Variants in DERA observed in about 807,000 individuals in gnomAD.
DERA encodes the protein 2-deoxy-D-ribose 5-phosphate aldolase.
DERA carries 15 observed loss-of-function variants against 41.1 expected under a neutral mutation model. That is an observed-to-expected ratio of 0.37 (90% CI 0.24 to 0.56). The LOEUF (loss-of-function observed/expected upper bound fraction) is 0.56, where lower values mean the gene tolerates loss of function less well. DERA is among the 20% of genes least tolerant of loss of function. The probability of loss-of-function intolerance (pLI) is 0.81; values close to 1 mark genes in which losing one functional copy is unlikely to be tolerated. For missense variants in DERA, 396 were observed against 403.4 expected (o/e 0.98, Z 0.16); for synonymous variants, 139 against 137.4 (o/e 1.01, Z -0.08).
chr12:16,024,128 C>T (rs377382793), intron 6 of DERA, among the ~76,000 whole-genome samples: 1 of 152,022 alleles, frequency 6.6e-6, no homozygotes, highest in East Asian at 1.9e-4. Flanking sequence ...GAAGAAAAAC[C>T]CCCACAGAAC....
intron 7 of DERA, among the ~76,000 whole-genome samples, chr12:16,034,939 T>G (rs954064981): frequency 7.4e-5 from 7 of 94,268 alleles, no homozygotes; most frequent in Non-Finnish European, 1.0e-4. Context: ...AATAACCTCA[T>G]CCTACTTAAC....
chr12:15,950,893 G>A (rs1228476256), intron 1 of DERA, among the ~76,000 whole-genome samples: 2 of 152,210 alleles, frequency 1.3e-5, no homozygotes. Context: ...AGTGGTGTCT[G>A]GCACCATTTT....
Position 15,999,846 on chromosome 12 carries a change from A to T in DERA, c.637+17410A>T, listed in dbSNP as rs1452848109. 1.3e-5 allele frequency among the ~76,000 whole-genome samples: 2 copies of T among 152,214 alleles called. No homozygotes were observed. Among genetic ancestry groups the T allele is most frequent in the Non-Finnish European group, 2.9e-5 (2 of 68,044 alleles). ...CAGACACTGGATGACAAAGATTATT[A>T]TGACACCCTCAATCCAGATGCTTTG... On this transcript the variant is annotated intron_variant, in intron 6 of 8. Transcript: ENST00000428559. The surrounding 1 kb of genome is among the most constrained non-coding windows in gnomAD (Gnocchi z 5.3).
chr12:16,018,888 CT>C (rs1376714568), intron 6 of DERA, among the ~76,000 whole-genome samples: 1 of 152,024 alleles, frequency 6.6e-6, no homozygotes, highest in African/African-American at 2.4e-5. Flanking sequence ...TTTTTCAGCC[CT>C]TTCATCTCTT....
At chr12:15,978,656 T>G (rs1465269904) in intron 5 of DERA, among the ~76,000 whole-genome samples, 1 of 152,202 alleles carries the variant, frequency 6.6e-6, no homozygotes, top group East Asian at 1.9e-4. Flanking sequence ...AACTTGTTTG[T>G]GATATATAGT....
chr12:16,024,698 T>A (rs930631884), intron 6 of DERA, among the ~76,000 whole-genome samples: 2 of 151,968 alleles, frequency 1.3e-5, no homozygotes, highest in African/African-American at 4.8e-5. Flanking sequence ...AATCCACTCT[T>A]ATTACACTGA....
At chr12:15,926,742 GAAAAAAAAAA>G (rs71051274) in intron 1 of DERA, among the ~76,000 whole-genome samples, 1 of 120,484 alleles carries the variant, frequency 8.3e-6, no homozygotes, top group Non-Finnish European at 1.6e-5. Flanking sequence ...GTCTCAAAAA[GAAAAAAAAAA>G]AAAAAAAAAG....
rs752019774 is a variant in DERA at position 15,931,618 on chromosome 12, A to C, written c.31+20204A>C. On this transcript the variant is annotated intron_variant, in intron 1 of 8. Transcript: ENST00000428559. This position sits in a 1 kb window ranked among gnomAD's most constrained non-coding sequence, Gnocchi z 4.6. ...TTTATGGAGTTATCTTCATGAGAGCATGCTATGGTTTGGATGTGGTTTGTC... is the reference window on the plus strand; with the variant it reads ...TTTATGGAGTTATCTTCATGAGAGCCTGCTATGGTTTGGATGTGGTTTGTC... Among the ~76,000 whole-genome samples the C allele has an allele frequency of 2.6e-5, 4 of 152,324 alleles. No homozygotes were observed. In the East Asian group the frequency reaches 7.7e-4, roughly 29 times the overall value.
intron 1 of DERA, among the ~76,000 whole-genome samples, chr12:15,920,430 C>G (rs924943245): frequency 2.6e-5 from 4 of 152,172 alleles, no homozygotes; most frequent in African/African-American, 9.7e-5. Context: ...GCGTTACCTT[C>G]TTTTCCACTA....
At chr12:15,930,735 T>G (rs752891555) in intron 1 of DERA, among the ~76,000 whole-genome samples, 3 of 152,148 alleles carry the variant, frequency 2.0e-5, no homozygotes, top group Non-Finnish European at 4.4e-5. Context: ...ACTCACAAAC[T>G]TCAGGAAATG....
chr12:15,959,339 C>T lies in DERA; in HGVS notation c.278-490C>T, dbSNP rs1325977494. Among the ~76,000 whole-genome samples the T allele has an allele frequency of 2.0e-5, 3 of 151,918 alleles. No homozygotes were observed. Among genetic ancestry groups the T allele is most frequent in the Non-Finnish European group, 4.4e-5 (3 of 67,984 alleles). On this transcript the variant is annotated intron_variant, in intron 3 of 8. Coordinates refer to ENST00000428559, the MANE Select transcript of DERA (RefSeq NM_015954.4). This position sits in a 1 kb window ranked among gnomAD's most constrained non-coding sequence, Gnocchi z 4.5. ...ACTTATTTCTTAAAATCAGGGCTTC[C>T]GTTTCAGATTTTATTATTTCTTGCA...
intron 1 of DERA, among the ~76,000 whole-genome samples, chr12:15,929,399 G>T (rs535298351): frequency 1.3e-5 from 2 of 152,278 alleles, no homozygotes; most frequent in African/African-American, 4.8e-5. Context: ...CTCTAATTCG[G>T]TTTTGAACAG....
Position 16,017,516 on chromosome 12 carries a change from T to G in DERA, c.638-15026T>G, listed in dbSNP as rs929586764. The stretch of plus-strand genomic sequence containing the variant: ...CTTTGTGGAATCACAGTCTCCAGAT[T>G]TAGTATTAGTATCACATTGATACCT... On this transcript the variant is annotated intron_variant, in intron 6 of 8. Coordinates refer to ENST00000428559, the MANE Select transcript of DERA (RefSeq NM_015954.4). This position sits in a 1 kb window ranked among gnomAD's most constrained non-coding sequence, Gnocchi z 5.5. 6.6e-6 allele frequency among the ~76,000 whole-genome samples: 1 copy of G among 152,200 alleles called. No individual in the cohort carries two copies. The highest frequency in any genetic ancestry group is 6.5e-5 in the Admixed American group (1 of 15,280).
In DERA at chr12:15,911,633, T is replaced by G. The variant is rs1441746682; in HGVS notation, c.31+219T>G. 1.1e-5 allele frequency: 8 copies of G among 697,004 alleles called. No homozygotes were observed. The highest frequency in any genetic ancestry group is 1.8e-5 in the Non-Finnish European group (7 of 382,476). The allele number at this position is 697,004 out of a possible 1,614,324, so 43.2% of individuals were successfully genotyped here. A position where few individuals can be genotyped will look rare whatever the true frequency, so the allele number is the denominator to read the frequency against. On this transcript the variant is annotated intron_variant, in intron 1 of 8. Coordinates refer to ENST00000428559, the MANE Select transcript of DERA (RefSeq NM_015954.4). The surrounding 1 kb of genome is among the most constrained non-coding windows in gnomAD (Gnocchi z 4.5). ...TTGCACCTAAGCTTTTACTCTTGTATGCGGAAGGAGTAGGAAAGGGTTAGA... is the reference window on the plus strand; with the variant it reads ...TTGCACCTAAGCTTTTACTCTTGTAGGCGGAAGGAGTAGGAAAGGGTTAGA...
chr12:16,022,549 T>G (rs1315637906), intron 6 of DERA, among the ~76,000 whole-genome samples: 1 of 152,212 alleles, frequency 6.6e-6, no homozygotes, highest in African/African-American at 2.4e-5. Context: ...GGCTTGATAT[T>G]TAAGGACTTC....
intron 1 of DERA, among the ~76,000 whole-genome samples, chr12:15,942,468 T>A (rs139352111): frequency 3.1e-4 from 47 of 152,372 alleles, no homozygotes; most frequent in African/African-American, 1.1e-3. Flanking sequence ...TTTCTGATGT[T>A]ATCTTCTAGC....
At chr12:15,964,313 T>A (rs1948608369) in intron 5 of DERA, among the ~76,000 whole-genome samples, 1 of 152,218 alleles carries the variant, frequency 6.6e-6, no homozygotes, top group South Asian at 2.1e-4. Context: ...AGTTTTTAGC[T>A]TGGAATATTA....
Position 16,000,103 on chromosome 12 carries a change from G to C in DERA, c.637+17667G>C, listed in dbSNP as rs1057041735. On this transcript the variant is annotated intron_variant, in intron 6 of 8. Transcript: ENST00000428559. The surrounding 1 kb of genome is among the most constrained non-coding windows in gnomAD (Gnocchi z 4.8). ...TGTGCTTGGTGAGTGATTGCATGCT[G>C]AGCAGGGAAGGGAAGGGCAGATCCA... is the stretch of plus-strand genomic sequence containing the variant. Among the ~76,000 whole-genome samples, 1 of 152,168 alleles carries C rather than the reference G, an allele frequency of 6.6e-6. No individual in the cohort carries two copies. Among genetic ancestry groups the C allele is most frequent in the Admixed American group, 6.5e-5 (1 of 15,280 alleles).
intron 6 of DERA, among the ~76,000 whole-genome samples, chr12:16,032,231 G>A: frequency 6.6e-6 from 1 of 152,034 alleles, no homozygotes; most frequent in Non-Finnish European, 1.5e-5. Context: ...GCATAAAATT[G>A]TTTTTATTCA....
Sources: gnomAD v4.1 joint callset for allele counts (sites outside exome capture counted in the v4.1 genomes callset) on GRCh38, gnomAD v4.1.1 for gene constraint, Gnocchi (gnomAD v3.1) non-coding constraint, MANE v1.5 for transcripts, NCBI Gene and HGNC (gene_info 2026-07-23, HGNC 2026-07-21) for gene names.